Variants in PDE4D observed in about 807,000 individuals in gnomAD.
PDE4D encodes 3',5'-cyclic-AMP phosphodiesterase 4D.
A neutral mutation model predicts 87.4 loss-of-function variants in PDE4D; 24 were observed. The observed-to-expected ratio is 0.27, with a 90% CI of 0.20 to 0.39. The LOEUF (loss-of-function observed/expected upper bound fraction) is 0.39. PDE4D is among the 10% of genes least tolerant of loss of function. The pLI, the probability that PDE4D is intolerant of heterozygous loss-of-function variation, is 1.00. For synonymous variants in PDE4D, 384 were observed against 383.2 expected, an observed-to-expected ratio of 1.00 and a Z score of -0.02; for missense variants, 714 against 1,041.0, an observed-to-expected ratio of 0.69 and a Z score of 4.32.
At chr5:59,277,187 C>A (rs1398967476) in intron 1 of PDE4D, among the ~76,000 whole-genome samples, 1 of 152,288 alleles carries the variant, frequency 6.6e-6, no homozygotes. Flanking sequence ...GCCAGAGGCT[C>A]TGGCTGCTTC....
chr5:59,769,445 T>G (rs1283484993), intron 1 of PDE4D, among the ~76,000 whole-genome samples: 2 of 152,242 alleles, frequency 1.3e-5, no homozygotes, highest in African/African-American at 4.8e-5. Flanking sequence ...ATATACAATT[T>G]TATGTATTCA....
chr5:60,380,100 CA>C (rs1319819654), intron 1 of PDE4D, among the ~76,000 whole-genome samples: 1 of 152,134 alleles, frequency 6.6e-6, no homozygotes, highest in African/African-American at 2.4e-5. Context: ...ATAGGAAAGT[CA>C]TGGGTGATTG....
chr5:59,944,059 C>T (rs1014578321), intron 3 of PDE4D, among the ~76,000 whole-genome samples: 1 of 152,164 alleles, frequency 6.6e-6, no homozygotes, highest in Non-Finnish European at 1.5e-5. Flanking sequence ...CAAACAGATC[C>T]TTAAAGTGTC....
chr5:59,212,776 G>A (rs1750360715), intron 2 of PDE4D, among the ~76,000 whole-genome samples: 2 of 151,886 alleles, frequency 1.3e-5, no homozygotes, highest in African/African-American at 4.8e-5. Context: ...TACCAAGCCT[G>A]ACTCACCTTT....
At chr5:60,057,944 T>G (rs1298490372) in intron 2 of PDE4D, among the ~76,000 whole-genome samples, 1 of 151,970 alleles carries the variant, frequency 6.6e-6, no homozygotes, top group Non-Finnish European at 1.5e-5. Flanking sequence ...TAGAACATGT[T>G]TGGGAAAGTA....
chr5:59,485,461 T>C (rs962113070), intron 1 of PDE4D, among the ~76,000 whole-genome samples: 7 of 152,132 alleles, frequency 4.6e-5, no homozygotes, highest in Admixed American at 2.6e-4. Flanking sequence ...AAGTCTGGAT[T>C]GAATTTTGTT....
At chr5:59,065,067 TAC>T (rs10563874) in intron 5 of PDE4D, among the ~76,000 whole-genome samples, 3,952 of 89,168 alleles carry the variant, frequency 0.044, 146 homozygotes, top group Middle Eastern at 0.11. Context: ...GATATATATA[TAC>T]ACACACACAC....
At chr5:59,713,679 A>G (rs528754866) in intron 1 of PDE4D, among the ~76,000 whole-genome samples, 57 of 152,150 alleles carry the variant, frequency 3.7e-4, no homozygotes, top group Non-Finnish European at 7.5e-4. Context: ...GTACCTGGTC[A>G]CAGCTGTGCT....
chr5:60,283,650 A>T (rs1170468293), intron 1 of PDE4D, among the ~76,000 whole-genome samples: 2 of 152,142 alleles, frequency 1.3e-5, no homozygotes. Context: ...TCTCTTAATG[A>T]GGCTTAATGT....
chr5:59,409,112 C>T (rs1473446300), intron 1 of PDE4D, among the ~76,000 whole-genome samples: 3 of 150,214 alleles, frequency 2.0e-5, no homozygotes, highest in Admixed American at 6.6e-5. Flanking sequence ...TGCACCATTG[C>T]ACTCCAGCCT....
chr5:59,492,360 A>G (rs566073228), intron 1 of PDE4D, among the ~76,000 whole-genome samples: 1 of 152,350 alleles, frequency 6.6e-6, no homozygotes, highest in East Asian at 1.9e-4. Flanking sequence ...CTGTCTGATT[A>G]GGGAGAGTGA....
At chr5:59,555,602 ACT>A (rs906898720) in intron 1 of PDE4D, among the ~76,000 whole-genome samples, 21 of 152,068 alleles carry the variant, frequency 1.4e-4, no homozygotes, top group African/African-American at 4.8e-4. Context: ...AATAAGTATA[ACT>A]CTTTTCTTAA....
chr5:59,149,712 T>G (rs1779194521), intron 5 of PDE4D, among the ~76,000 whole-genome samples: 1 of 146,080 alleles, frequency 6.8e-6, no homozygotes, highest in African/African-American at 2.5e-5. Context: ...TCGAGTTTTT[T>G]TTTTTTTTTT....
At chr5:59,140,150 T>A (rs1777678980) in intron 5 of PDE4D, among the ~76,000 whole-genome samples, 1 of 152,230 alleles carries the variant, frequency 6.6e-6, no homozygotes, top group Non-Finnish European at 1.5e-5. Flanking sequence ...CAGTCCCATA[T>A]GAACAGCCAT....
intron 1 of PDE4D, among the ~76,000 whole-genome samples, chr5:59,544,005 CT>C (rs1310276483): frequency 6.6e-6 from 1 of 152,182 alleles, no homozygotes; most frequent in Non-Finnish European, 1.5e-5. Flanking sequence ...AATATTCAAA[CT>C]GTAGCCCTGG....
At chr5:59,125,906 C>A (rs970710821) in intron 5 of PDE4D, among the ~76,000 whole-genome samples, 3 of 151,840 alleles carry the variant, frequency 2.0e-5, no homozygotes, top group East Asian at 3.9e-4. Flanking sequence ...TGGGATGGAG[C>A]GGGGGAGGGG....
chr5:60,231,476 T>C (rs1745805477), intron 1 of PDE4D, among the ~76,000 whole-genome samples: 1 of 151,588 alleles, frequency 6.6e-6, no homozygotes, highest in South Asian at 2.1e-4. Context: ...GAAAAAAAAA[T>C]GATCTTAATG....
chr5:60,229,474 C>T lies in PDE4D; in HGVS notation c.-89-43787G>A, dbSNP rs927876261. Among the ~76,000 whole-genome samples the T allele has an allele frequency of 1.2e-4, 19 of 152,020 alleles. 1 individual carries two copies. The highest frequency in any genetic ancestry group is 3.9e-4 in the African/African-American group (16 of 41,406). On this transcript the variant is annotated intron_variant, in intron 1 of 16. Coordinates refer to the PDE4D transcript ENST00000502484. ...TCTTAAAGATTGCTAAAGTTTTTTA[C>T]GCTAAAGAATAAAAGAAAAATATTT...
At chr5:59,672,868 G>A (rs908044356) in intron 1 of PDE4D, among the ~76,000 whole-genome samples, 1 of 152,134 alleles carries the variant, frequency 6.6e-6, no homozygotes, top group African/African-American at 2.4e-5. Flanking sequence ...CACATTTATT[G>A]ACAAACTGCT....
Sources: gnomAD v4.1 joint callset for allele counts (sites outside exome capture counted in the v4.1 genomes callset) on GRCh38, gnomAD v4.1.1 for gene constraint, MANE v1.5 for transcripts, NCBI Gene and HGNC (gene_info 2026-07-23, HGNC 2026-07-21) for gene names.